The following PCDHA6 variants were observed in gnomAD, a reference collection of about 807,000 sequenced individuals.
The protein encoded by PCDHA6 is protocadherin alpha-6.
Under a neutral mutation model 60.3 loss-of-function variants are expected in PCDHA6, and 55 were observed. The ratio of observed to expected loss-of-function variants is 0.91; its 90% CI spans 0.73 to 1.14. The LOEUF is 1.14. Among genes scored for constraint, PCDHA6 ranks in the 50% most tolerant of loss-of-function variants. The pLI is 0.00. For synonymous variants in PCDHA6, 652 were observed against 557.9 expected (o/e 1.17, Z -2.38); for missense variants, 1,327 against 1,256.5 (o/e 1.06, Z -0.85).
At position 140,856,418 on chromosome 5, in the gene PCDHA6, G is replaced by A. The variant is rs782470045; in HGVS notation, c.2394+25933G>A. 17 of 1,598,338 alleles carry A rather than the reference G, an allele frequency of 1.1e-5. 1 individual carries two copies. The Admixed American group carries it at 1.2e-4, about 11-fold the overall frequency. On this transcript the variant is annotated intron_variant, in intron 1 of 3. Transcript: ENST00000529310. ...TTTCCATGTGGACGTGGAAGTGAAGGACATTAACGACAACCCGCCCAGGTT... is the reference window on the plus strand; with the variant it reads ...TTTCCATGTGGACGTGGAAGTGAAGAACATTAACGACAACCCGCCCAGGTT...
At chr5:140,893,987 T>A (rs112405686) in intron 1 of PCDHA6, among the ~76,000 whole-genome samples, 1 of 152,202 alleles carries the variant, frequency 6.6e-6, no homozygotes, top group Non-Finnish European at 1.5e-5. Context: ...TTTTAAAATA[T>A]CTCCAATTGT....
intron 1 of PCDHA6, among the ~76,000 whole-genome samples, chr5:140,837,811 G>A (rs1775265637): frequency 1.3e-5 from 2 of 151,598 alleles, no homozygotes; most frequent in African/African-American, 2.4e-5. Flanking sequence ...GGAGTAGCTG[G>A]GAATACAGTT....
chr5:140,943,603 G>A (rs1554215788), intron 1 of PCDHA6, among the ~76,000 whole-genome samples: 1 of 152,100 alleles, frequency 6.6e-6, no homozygotes, highest in African/African-American at 2.4e-5. Context: ...TCTAAATATA[G>A]ACTTTGATTC....
Position 140,828,616 on chromosome 5 carries a change from C to A in PCDHA6, c.525C>A (p.Ser175Arg), listed in dbSNP as rs2150157391. 16 of 1,614,024 alleles carry A rather than the reference C, an allele frequency of 9.9e-6. No homozygotes were observed. The African/African-American group carries it at 1.3e-4, about 13-fold the overall frequency. ...TCTTAACCTATAAACTCAGTTCTAG[C>A]GAATACTTCGGGCTAGATGTGAAAA... is the stretch of plus-strand genomic sequence containing the variant. ...NSILTYKLSS[S>R]EYFGLDVKIN... Residue 175 changes from serine (S) to arginine (R), a missense_variant, in exon 1 of 4, where the codon AGC becomes AGA. Physicochemically the swap from Ser to Arg is moderately radical, Grantham distance 110. Transcript: ENST00000529310.
chr5:140,841,310 C>A (rs2150313272), intron 1 of PCDHA6: 14 of 1,550,808 alleles, frequency 9.0e-6, no homozygotes, highest in Non-Finnish European at 1.2e-5. Flanking sequence ...TGATAGGAAA[C>A]GACTATTTAA....
chr5:140,863,884 C>T (rs1388458800), intron 1 of PCDHA6: 1 of 167,076 alleles, frequency 6.0e-6, no homozygotes, highest in Non-Finnish European at 1.3e-5. Flanking sequence ...ACCTGTAATC[C>T]CAGCTACTCA....
chr5:140,982,487 A>G lies in PCDHA6; in HGVS notation c.2466A>G (p.Leu822=), dbSNP rs1417892860. 3 of 1,614,078 alleles carry G rather than the reference A, an allele frequency of 1.9e-6. No homozygotes were observed. Among genetic ancestry groups the G allele is most frequent in the Non-Finnish European group, 2.5e-6 (3 of 1,180,034 alleles). Residue 822 remains leucine (L), a synonymous_variant, in exon 3 of 4, where the codon CTA becomes CTG. Coordinates refer to ENST00000529310, the MANE Select transcript of PCDHA6 (RefSeq NM_018909.4). ...TGTGTTTATTCAGCTCTGTGCACCTAGAGGAGGCTGGCATTCTACGGGCTG... is the reference window on the plus strand; with the variant it reads ...TGTGTTTATTCAGCTCTGTGCACCTGGAGGAGGCTGGCATTCTACGGGCTG... The part of the protein sequence containing the change: ...LRAGMHSSVH[L]EEAGILRAGP...
At chr5:140,841,727 A>G (rs2150321736) in intron 1 of PCDHA6, 1 of 1,613,902 alleles carries the variant, frequency 6.2e-7, no homozygotes, top group Admixed American at 1.7e-5. Context: ...GTTCCGGGTA[A>G]AAGACCAAAA....
chr5:140,900,683 T>C (rs144072569), intron 1 of PCDHA6, among the ~76,000 whole-genome samples: 52 of 152,340 alleles, frequency 3.4e-4, no homozygotes, highest in African/African-American at 9.9e-4. Context: ...ATCTCTTCAA[T>C]ATACTGATTT....
chr5:140,869,694 GA>G, intron 1 of PCDHA6: 1 of 1,613,394 alleles, frequency 6.2e-7, no homozygotes, highest in Non-Finnish European at 8.5e-7. Context: ...TTATTTTAAA[GA>G]AGTCTCTGGA....
chr5:140,982,094 G>T (rs2096965818), intron 2 of PCDHA6, among the ~76,000 whole-genome samples: 1 of 152,230 alleles, frequency 6.6e-6, no homozygotes, highest in Admixed American at 6.5e-5. Context: ...AGGAACAAGA[G>T]AACCTGCAAG....
chr5:140,901,681 T>C (rs144868677), intron 1 of PCDHA6, among the ~76,000 whole-genome samples: 8 of 152,316 alleles, frequency 5.3e-5, no homozygotes, highest in African/African-American at 1.7e-4. Context: ...TTAGGTATTA[T>C]GGGTATTTTG....
Position 140,828,095 on chromosome 5 carries a change from G to A in PCDHA6, c.4G>A (p.Val2Met), listed in dbSNP as rs2150150878. Reference protein sequence around the residue: MVFTPEDRLGKQ... With the variant: MMFTPEDRLGKQ... The stretch of plus-strand genomic sequence containing the variant: ...AATAAAACCAGAGGTATTTGACATG[G>A]TGTTTACCCCGGAGGATAGATTGGG... Residue 2 changes from valine to methionine, a missense_variant, in exon 1 of 4, where the codon GTG becomes ATG. Coordinates refer to ENST00000529310, the MANE Select transcript of PCDHA6 (RefSeq NM_018909.4). The A allele has an allele frequency of 1.2e-6, 2 of 1,604,514 alleles. No homozygotes were observed. Among genetic ancestry groups the A allele is most frequent in the African/African-American group, 1.3e-5 (1 of 74,688 alleles).
chr5:140,924,830 G>T (rs1240824600), intron 1 of PCDHA6, among the ~76,000 whole-genome samples: 3 of 151,612 alleles, frequency 2.0e-5, no homozygotes, highest in Non-Finnish European at 4.4e-5. Flanking sequence ...GGGAGGGGGA[G>T]GTTGCAGGGA....
intron 1 of PCDHA6, chr5:140,877,485 G>A (rs1554169791): frequency 6.2e-7 from 1 of 1,613,882 alleles, no homozygotes; most frequent in Admixed American, 1.7e-5. Flanking sequence ...CGCTGGTGGA[G>A]AACGGCCAGG....
At chr5:140,967,947 C>A in intron 1 of PCDHA6, 1 of 1,614,222 alleles carries the variant, frequency 6.2e-7, no homozygotes, top group Non-Finnish European at 8.5e-7. Flanking sequence ...GACCAAGACT[C>A]AGGCCCCAAC....
intron 1 of PCDHA6, among the ~76,000 whole-genome samples, chr5:140,833,762 A>G (rs1772630796): frequency 6.6e-6 from 1 of 151,978 alleles, no homozygotes; most frequent in East Asian, 1.9e-4. Context: ...ACACACACAC[A>G]CACACCGCTT....
intron 1 of PCDHA6, chr5:140,876,731 C>T (rs782483829): frequency 1.7e-5 from 27 of 1,614,124 alleles, no homozygotes; most frequent in Non-Finnish European, 1.9e-5. Context: ...AGCGTGTCGG[C>T]CTATGAGCTG....
At chr5:140,834,435 A>T (rs2150217910) in intron 1 of PCDHA6, 2 of 1,607,790 alleles carry the variant, frequency 1.2e-6, no homozygotes, top group East Asian at 2.2e-5. Context: ...ACTGCTGTTT[A>T]TTATAATTCT....
Sources: allele counts gnomAD v4.1 joint callset (sites outside exome capture counted in the v4.1 genomes callset), GRCh38; gene constraint gnomAD v4.1.1; transcripts MANE v1.5; gene names NCBI Gene and HGNC (gene_info 2026-07-23, HGNC 2026-07-21).